KAZN: variants seen among roughly 807,000 people sequenced by gnomAD.
KAZN encodes the protein kazrin, periplakin interacting protein.
KAZN carries 40 observed loss-of-function variants against 87.4 expected under a neutral mutation model. The observed-to-expected ratio is 0.46, with a 90% CI of 0.36 to 0.60. KAZN has a LOEUF of 0.60. KAZN is among the 20% of genes least tolerant of loss of function. KAZN has a pLI of 0.00. For missense variants in KAZN, 898 were observed against 1,073.9 expected (o/e 0.84, Z 2.29); for synonymous variants, 466 against 458.3 (o/e 1.02, Z -0.22).
chr1:15,010,421 C>G (rs1435471827), intron 2 of KAZN, among the ~76,000 whole-genome samples: 1 of 137,326 alleles, frequency 7.3e-6, no homozygotes, highest in Non-Finnish European at 1.5e-5. Context: ...GACGGAGTCT[C>G]GCTCTGCTGC....
intron 1 of KAZN, among the ~76,000 whole-genome samples, chr1:14,105,499 A>G (rs547754241): frequency 2.6e-5 from 4 of 152,278 alleles, no homozygotes; most frequent in South Asian, 4.1e-4. Context: ...CCTGGGAACC[A>G]TGTGCCTCTG....
chr1:14,509,079 C>T (rs777577680), intron 2 of KAZN, among the ~76,000 whole-genome samples: 2 of 152,162 alleles, frequency 1.3e-5, no homozygotes, highest in African/African-American at 2.4e-5. Context: ...AGTGTTAGCA[C>T]GGAGGTACTA....
intron 2 of KAZN, among the ~76,000 whole-genome samples, chr1:14,313,291 C>T (rs1557633189): frequency 6.6e-6 from 1 of 152,112 alleles, no homozygotes; most frequent in Admixed American, 6.6e-5. Flanking sequence ...TGATCTTGAA[C>T]TCTCTGTAAA....
chr1:14,305,147 A>T (rs1654833755), intron 2 of KAZN, among the ~76,000 whole-genome samples: 1 of 152,134 alleles, frequency 6.6e-6, no homozygotes, highest in South Asian at 2.1e-4. Flanking sequence ...TGAATTCAGC[A>T]TTCCTAGCTA....
intron 1 of KAZN, among the ~76,000 whole-genome samples, chr1:14,904,309 G>A (rs115772281): frequency 6.0e-3 from 822 of 137,660 alleles, no homozygotes; most frequent in Non-Finnish European, 6.9e-3. Context: ...CGTCTCAAAA[G>A]AAAAAAAAAA....
At chr1:14,326,210 C>T (rs1275912421) in intron 2 of KAZN, among the ~76,000 whole-genome samples, 1 of 152,126 alleles carries the variant, frequency 6.6e-6, no homozygotes, top group Non-Finnish European at 1.5e-5. Context: ...CCCGCCCCAC[C>T]GCCGAGTTCC....
intron 2 of KAZN, among the ~76,000 whole-genome samples, chr1:15,022,339 T>C (rs1670759870): frequency 6.6e-6 from 1 of 152,064 alleles, no homozygotes; most frequent in Non-Finnish European, 1.5e-5. Context: ...TCTCTGGCTG[T>C]TAGGCAGTCA....
intron 2 of KAZN, among the ~76,000 whole-genome samples, chr1:14,466,113 C>T (rs942463179): frequency 2.0e-5 from 3 of 152,146 alleles, no homozygotes; most frequent in African/African-American, 7.2e-5. Context: ...TCCATGGTGT[C>T]ACCTAACAAC....
chr1:14,732,146 G>A (rs372384420), intron 1 of KAZN, among the ~76,000 whole-genome samples: 6 of 152,178 alleles, frequency 3.9e-5, no homozygotes, highest in Admixed American at 1.3e-4. Flanking sequence ...ATTCCATTCC[G>A]CTACATTCCC....
In KAZN at chr1:14,371,754, GAC is replaced by G. The variant is rs1309655272; in HGVS notation, c.249+191165_249+191166del. ...CAAAAGCAGAACCAAACATTCTAGA[GAC>G]ACGGATCTTGCCCTCCAAAGAAACC... On this transcript the variant is annotated intron_variant, in intron 2 of 16. Transcript: ENST00000636203. Among the ~76,000 whole-genome samples, 35 of 152,258 alleles carry G rather than the reference GAC, an allele frequency of 2.3e-4. No homozygotes were observed. In the East Asian group the frequency reaches 6.6e-3, roughly 29 times the overall value.
intron 2 of KAZN, among the ~76,000 whole-genome samples, chr1:14,559,994 C>T (rs1008939345): frequency 6.6e-6 from 1 of 152,166 alleles, no homozygotes; most frequent in African/African-American, 2.4e-5. Flanking sequence ...TTTCATAATG[C>T]CTGACTTATT....
At chr1:15,048,444 G>A (rs970802804) in intron 4 of KAZN, among the ~76,000 whole-genome samples, 7 of 152,168 alleles carry the variant, frequency 4.6e-5, no homozygotes, top group African/African-American at 1.7e-4. Context: ...GTGTGTATGT[G>A]TAAAATATTG....
At chr1:13,973,928 G>A (rs1642220084) in intron 1 of KAZN, among the ~76,000 whole-genome samples, 2 of 152,202 alleles carry the variant, frequency 1.3e-5, no homozygotes, top group Admixed American at 6.5e-5. Flanking sequence ...TTCACCAGGA[G>A]GATTCCTAAG....
At chr1:14,262,920 C>T (rs541859347) in intron 2 of KAZN, among the ~76,000 whole-genome samples, 2 of 152,284 alleles carry the variant, frequency 1.3e-5, no homozygotes, top group African/African-American at 4.8e-5. Flanking sequence ...ACTGCCTTCT[C>T]CACAACCTCT....
chr1:14,804,346 G>A (rs1384263162), intron 1 of KAZN, among the ~76,000 whole-genome samples: 2 of 152,216 alleles, frequency 1.3e-5, no homozygotes, highest in African/African-American at 4.8e-5. Flanking sequence ...CAGGATGCCA[G>A]GAAGCAGGGA....
chr1:14,202,280 G>T (rs1000959696), intron 2 of KAZN, among the ~76,000 whole-genome samples: 1 of 152,152 alleles, frequency 6.6e-6, no homozygotes, highest in Non-Finnish European at 1.5e-5. Context: ...ACACACGTGC[G>T]TTCTGCTACA....
chr1:14,039,641 A>G (rs1365318122), intron 1 of KAZN, among the ~76,000 whole-genome samples: 1 of 152,212 alleles, frequency 6.6e-6, no homozygotes, highest in Middle Eastern at 3.2e-3. Context: ...TAGTTTAGCA[A>G]TCGCTGCTGC....
chr1:13,932,151 C>T lies in KAZN; in HGVS notation c.91+38395C>T, dbSNP rs1335440246. ...AGTATTACAGATATGAGCCACCATG[C>T]CCAGTCAAGTTTTACATTTAATAAC... On this transcript the variant is annotated intron_variant, in intron 1 of 16. Transcript: ENST00000636203. 3.9e-5 allele frequency among the ~76,000 whole-genome samples: 6 copies of T among 151,992 alleles called. No individual in the cohort carries two copies. In the East Asian group the frequency reaches 1.2e-3, roughly 29 times the overall value.
chr1:14,694,845 G>A (rs1202032907), intron 1 of KAZN, among the ~76,000 whole-genome samples: 1 of 152,168 alleles, frequency 6.6e-6, no homozygotes, highest in East Asian at 1.9e-4. Flanking sequence ...GTAATTGTTG[G>A]GTTTGTTATT....
Sources: allele counts gnomAD v4.1 joint callset (sites outside exome capture counted in the v4.1 genomes callset), GRCh38; gene constraint gnomAD v4.1.1; transcripts MANE v1.5; gene names NCBI Gene and HGNC (gene_info 2026-07-23, HGNC 2026-07-21).